The following TAPT1 variants were observed in gnomAD, a reference collection of about 807,000 sequenced individuals.
The protein encoded by TAPT1 is transmembrane anterior posterior transformation 1.
Under a neutral mutation model 65.6 loss-of-function variants are expected in TAPT1, and 28 were observed. That is an observed-to-expected ratio of 0.43 (90% confidence interval 0.32 to 0.59). TAPT1 has a LOEUF of 0.59. TAPT1 is among the 20% of genes least tolerant of loss of function. The pLI is 0.09. For synonymous variants in TAPT1, 278 were observed against 245.2 expected, an observed-to-expected ratio of 1.13 and a Z score of -1.25; for missense variants, 563 against 679.9, an observed-to-expected ratio of 0.83 and a Z score of 1.91.
At chr4:16,176,432 G>A (rs775361313) in intron 8 of TAPT1, 10 of 361,194 alleles carry the variant, frequency 2.8e-5, no homozygotes, top group Non-Finnish European at 3.9e-5. Context: ...GTTTACTCAG[G>A]CCCGGCGCAG....
At chr4:16,226,235 A>C in intron 1 of TAPT1, 24 bp downstream of exon 1, 1 of 1,108,728 alleles carries the variant, frequency 9.0e-7, no homozygotes, top group Non-Finnish European at 1.1e-6. Flanking sequence ...GGAGCCCGCC[A>C]CGGCCTAGCG....
chr4:16,222,439 T>C (rs1751304886), intron 1 of TAPT1, among the ~76,000 whole-genome samples: 2 of 152,220 alleles, frequency 1.3e-5, no homozygotes, highest in African/African-American at 4.8e-5. Flanking sequence ...TTATTTTTAT[T>C]TTTCTTTGTG....
In TAPT1 at chr4:16,162,704, A is replaced by ATT. The variant is rs33966438; in HGVS notation, c.*602_*603dup. On this transcript the variant is annotated 3_prime_UTR_variant, in exon 14 of 14. Coordinates refer to ENST00000405303, the MANE Select transcript of TAPT1 (RefSeq NM_153365.3). The stretch of plus-strand genomic sequence containing the variant: ...TTTTTAATAAATAAACTAGTTTAGC[A>ATT]TTTTTTTTTAACCCTACAAAATGCT... 1.3e-4 allele frequency: 20 copies of ATT among 155,500 alleles called. No homozygotes were observed. The highest frequency in any genetic ancestry group is 3.6e-4 in the South Asian group (2 of 5,622). The allele number at this position is 155,500 out of a possible 1,614,324, so 9.6% of individuals were successfully genotyped here.
intron 2 of TAPT1, among the ~76,000 whole-genome samples, chr4:16,212,666 A>G (rs1750714670): frequency 6.6e-6 from 1 of 152,212 alleles, no homozygotes; most frequent in Admixed American, 6.5e-5. Context: ...GCAGGAATAC[A>G]GTAATAGTTG....
chr4:16,191,275 A>G lies in TAPT1; in HGVS notation c.612+86T>C. ...GCACCATAACTAGAGTCGGTAGAGC[A>G]TTCTTGACTCTCAGGTACCTTCAGA... On this transcript the variant is annotated intron_variant, in intron 4 of 13. Coordinates refer to ENST00000405303, the MANE Select transcript of TAPT1 (RefSeq NM_153365.3). 3 of 1,357,998 alleles carry G rather than the reference A, an allele frequency of 2.2e-6. No individual in the cohort carries two copies. The Admixed American group carries it at 7.3e-5, about 33-fold the overall frequency. The allele number at this position is 1,357,998 out of a possible 1,614,324, so 84.1% of individuals were successfully genotyped here.
chr4:16,207,304 G>A (rs748351684), intron 2 of TAPT1, among the ~76,000 whole-genome samples: 11 of 152,182 alleles, frequency 7.2e-5, no homozygotes, highest in Admixed American at 4.6e-4. Context: ...TCCCAGGACT[G>A]TTTTACTGAA....
At chr4:16,225,926 C>T in intron 1 of TAPT1, 2 of 988,696 alleles carry the variant, frequency 2.0e-6, no homozygotes, top group Non-Finnish European at 2.4e-6. Context: ...CGTTTGGGCT[C>T]CGAGACGTGG....
intron 1 of TAPT1, among the ~76,000 whole-genome samples, chr4:16,222,354 G>A (rs982767460): frequency 3.9e-5 from 6 of 152,184 alleles, no homozygotes; most frequent in African/African-American, 1.4e-4. Flanking sequence ...TAAAAGCAAA[G>A]CAATAGTTTG....
intron 8 of TAPT1, chr4:16,179,344 A>G: frequency 2.4e-6 from 1 of 411,300 alleles, no homozygotes; most frequent in South Asian, 4.2e-5. Flanking sequence ...CTAGGAGACC[A>G]GGTGACAGGA....
chr4:16,215,692 A>G (rs1750900323), intron 1 of TAPT1, among the ~76,000 whole-genome samples: 1 of 152,198 alleles, frequency 6.6e-6, no homozygotes, highest in Admixed American at 6.5e-5. Context: ...TTGAAGTCAC[A>G]TGGGTTAAGT....
chr4:16,170,493 T>C (rs28572315), intron 12 of TAPT1, among the ~76,000 whole-genome samples, 160 bp downstream of exon 12: 62 of 152,376 alleles, frequency 4.1e-4, no homozygotes, highest in African/African-American at 1.5e-3. Flanking sequence ...GCGTAGTTAA[T>C]CTAACTGAGT....
chr4:16,223,064 A>G (rs1751346534), intron 1 of TAPT1, among the ~76,000 whole-genome samples: 1 of 152,148 alleles, frequency 6.6e-6, no homozygotes, highest in African/African-American at 2.4e-5. Flanking sequence ...CATGGTGACT[A>G]GAAGCAACCT....
At chr4:16,184,078 A>G (rs1442448746) in intron 7 of TAPT1, among the ~76,000 whole-genome samples, 1 of 152,242 alleles carries the variant, frequency 6.6e-6, no homozygotes, top group Non-Finnish European at 1.5e-5. Flanking sequence ...TCTTAAGTAC[A>G]TTATGTGATG....
intron 7 of TAPT1, among the ~76,000 whole-genome samples, chr4:16,180,322 A>G (rs1056871780): frequency 6.6e-6 from 1 of 152,180 alleles, no homozygotes. Context: ...TCACTTTTTA[A>G]GCTGTTAACT....
chr4:16,225,760 G>C (rs1360354458), intron 1 of TAPT1: 1 of 434,726 alleles, frequency 2.3e-6, no homozygotes, highest in East Asian at 1.6e-4. Flanking sequence ...CAAAACTACT[G>C]AACTTCATGG....
At chr4:16,186,184 A>C (rs1048730973) in intron 7 of TAPT1, among the ~76,000 whole-genome samples, 11 of 152,250 alleles carry the variant, frequency 7.2e-5, no homozygotes, top group Admixed American at 6.5e-4. Flanking sequence ...ATTTATAGAC[A>C]TAGTTCTCCT....
At chr4:16,209,224 G>A (rs968344499) in intron 2 of TAPT1, among the ~76,000 whole-genome samples, 1 of 151,804 alleles carries the variant, frequency 6.6e-6, no homozygotes, top group Non-Finnish European at 1.5e-5. Context: ...CTGGATCCTC[G>A]TCCCAGGTCT....
Position 16,184,648 on chromosome 4 carries a change from C to T in TAPT1, c.916+1887G>A, listed in dbSNP as rs370433455. ...TTGTGGCACTGTCAGGCTACAAGAG[C>T]AGTCACTCTGGAGGGTGTGCAGTGC... On this transcript the variant is annotated intron_variant, in intron 7 of 13. Coordinates refer to ENST00000405303, the MANE Select transcript of TAPT1 (RefSeq NM_153365.3). Among the ~76,000 whole-genome samples the T allele has an allele frequency of 6.3e-4, 96 of 152,198 alleles. 1 individual carries two copies. Among genetic ancestry groups the T allele is most frequent in the African/African-American group, 2.2e-3 (90 of 41,442 alleles).
At chr4:16,185,370 AT>A (rs879607371) in intron 7 of TAPT1, among the ~76,000 whole-genome samples, 296 of 143,502 alleles carry the variant, frequency 2.1e-3, no homozygotes, top group Middle Eastern at 7.1e-3. Flanking sequence ...AATCATCGTA[AT>A]TTTTTTTTTT....
Sources: gnomAD v4.1 joint callset for allele counts (sites outside exome capture counted in the v4.1 genomes callset) on GRCh38, gnomAD v4.1.1 for gene constraint, MANE v1.5 for transcripts, NCBI Gene and HGNC (gene_info 2026-07-23, HGNC 2026-07-21) for gene names.